PKD1L3: variants seen among roughly 807,000 people sequenced by gnomAD.
PKD1L3 encodes polycystin-1-like protein 3.
A neutral mutation model predicts 184.1 loss-of-function variants in PKD1L3; 239 were observed. That is an observed-to-expected ratio of 1.30 (90% CI 1.17 to 1.45). The LOEUF (loss-of-function observed/expected upper bound fraction) is 1.45, where lower values mean the gene tolerates loss of function less well. Among genes scored for constraint, PKD1L3 ranks in the 40% most tolerant of loss-of-function variants. PKD1L3 has a pLI of 0.00. For synonymous variants in PKD1L3, 996 were observed against 778.8 expected, an observed-to-expected ratio of 1.28 and a Z score of -4.64; for missense variants, 2,660 against 2,067.2, an observed-to-expected ratio of 1.29 and a Z score of -5.56.
chr16:71,956,705 T>G (rs2039063533), intron 16 of PKD1L3, among the ~76,000 whole-genome samples: 1 of 152,162 alleles, frequency 6.6e-6, no homozygotes, highest in Non-Finnish European at 1.5e-5. Context: ...GTGTAGAGTT[T>G]CAGTTTTGCA....
At chr16:71,999,324 T>C (rs1188490754) in intron 1 of PKD1L3, among the ~76,000 whole-genome samples, 1 of 151,724 alleles carries the variant, frequency 6.6e-6, no homozygotes, top group African/African-American at 2.4e-5. Context: ...AATAGGTAGA[T>C]ACTCTTCCTC....
chr16:71,933,385 T>C lies in PKD1L3; in HGVS notation c.4926+35A>G, dbSNP rs760485881. 46 of 1,464,570 alleles carry C rather than the reference T, an allele frequency of 3.1e-5. No individual in the cohort carries two copies. The South Asian group carries it at 4.1e-4, about 13-fold the overall frequency. 90.7% of individuals were successfully genotyped at this position (1,464,570 alleles called of 1,614,324 possible). On this transcript the variant is annotated intron_variant, in intron 28 of 29. Transcript: ENST00000620267. ...CCCCCAATTTTCCTTGTTCAATATA[T>C]TGAATTCTGTGAGGAAACAAATTAT...
intron 15 of PKD1L3, among the ~76,000 whole-genome samples, chr16:71,964,116 A>G (rs1307134116): frequency 7.4e-6 from 1 of 134,370 alleles, no homozygotes. Context: ...CCTTTTCCCA[A>G]CCAGTGTTTT....
intron 11 of PKD1L3, 143 bp from the exon 12 acceptor site, chr16:71,973,660 C>A: frequency 1.2e-6 from 1 of 817,432 alleles, no homozygotes; most frequent in Non-Finnish European, 1.9e-6. Flanking sequence ...AAGAAAATGA[C>A]CAGTGATACA....
At chr16:71,947,382 G>C in intron 22 of PKD1L3, 110 bp downstream of exon 22, 2 of 693,246 alleles carry the variant, frequency 2.9e-6, no homozygotes, top group Non-Finnish European at 5.0e-6. Flanking sequence ...GAAATAACCA[G>C]TTGGTTAGAG....
chr16:71,935,650 G>A (rs2038149673), intron 25 of PKD1L3, 132 bp from the exon 26 acceptor site: 1 of 817,014 alleles, frequency 1.2e-6, no homozygotes, highest in Non-Finnish European at 1.9e-6. Flanking sequence ...ATCTCACTTG[G>A]ACAAATGGGT....
Position 71,969,982 on chromosome 16 carries a change from G to A in PKD1L3, c.2077C>T (p.Arg693Cys), listed in dbSNP as rs553586556. The A allele has an allele frequency of 2.9e-5, 45 of 1,551,774 alleles. No individual in the cohort carries two copies. Among genetic ancestry groups the A allele is most frequent in the African/African-American group, 2.3e-4 (17 of 73,152 alleles). Residue 693 changes from arginine to cysteine, a missense_variant, in exon 13 of 30, where the codon CGC (arginine) becomes TGC (cysteine). Physicochemically the swap from Arg to Cys is radical, Grantham distance 180. Coordinates refer to ENST00000620267, the MANE Select transcript of PKD1L3 (RefSeq NM_181536.2). ...ACCCCAACAGGATTGTTGGTCACGC[G>A]AAGGAACAGTTTGATCGTGTCTTCA... ...NVEDTIKLFL[R>C]VTNNPVGVSL...
At chr16:71,971,792 C>T (rs189859641) in intron 12 of PKD1L3, among the ~76,000 whole-genome samples, 1 of 152,298 alleles carries the variant, frequency 6.6e-6, no homozygotes, top group East Asian at 1.9e-4. Flanking sequence ...GGTGCAGATG[C>T]CTTCCTAAGA....
Position 71,951,152 on chromosome 16 carries a change from G to A in PKD1L3, c.3190+412C>T, listed in dbSNP as rs189846125. 7.7e-4 allele frequency among the ~76,000 whole-genome samples: 117 copies of A among 152,030 alleles called. 2 individuals are homozygous for A. Among genetic ancestry groups the A allele is most frequent in the African/African-American group, 2.6e-3 (108 of 41,458 alleles). On this transcript the variant is annotated intron_variant, in intron 19 of 29. Coordinates refer to ENST00000620267, the MANE Select transcript of PKD1L3 (RefSeq NM_181536.2). Reference sequence around the variant, plus strand: ...CCTCCTGAGTTCAAGCAATTCTCCTGCCTCAGCCTCCCCCGTAGCTGGGAT... The same window carrying A: ...CCTCCTGAGTTCAAGCAATTCTCCTACCTCAGCCTCCCCCGTAGCTGGGAT...
chr16:71,998,577 A>G (rs1332322494), intron 1 of PKD1L3, among the ~76,000 whole-genome samples, 183 bp from the exon 2 acceptor site: 4 of 152,194 alleles, frequency 2.6e-5, no homozygotes, highest in East Asian at 3.9e-4. Flanking sequence ...CAGCCTCCCA[A>G]GTAGCTGGGA....
chr16:71,973,687 T>G (rs2039808202), intron 11 of PKD1L3, among the ~76,000 whole-genome samples, 170 bp from the exon 12 acceptor site: 1 of 152,180 alleles, frequency 6.6e-6, no homozygotes, highest in South Asian at 2.1e-4. Context: ...GGCTCTGGAT[T>G]ACTACTGTTC....
intron 19 of PKD1L3, 91 bp from the exon 20 acceptor site, chr16:71,950,401 G>T: frequency 8.5e-7 from 1 of 1,176,494 alleles, no homozygotes; most frequent in East Asian, 2.6e-5. Flanking sequence ...GATGGATGAT[G>T]AGGCTATATT....
intron 12 of PKD1L3, among the ~76,000 whole-genome samples, chr16:71,972,847 A>C (rs868591827): frequency 6.6e-6 from 1 of 152,164 alleles, no homozygotes; most frequent in African/African-American, 2.4e-5. Flanking sequence ...CGAGTGTGCA[A>C]ATATAATAGT....
At position 71,929,653 on chromosome 16, in the gene PKD1L3, AGT is replaced by A; in HGVS notation, c.5082_5083del (p.Leu1695AlafsTer19). The A allele has an allele frequency of 6.4e-7, 1 of 1,551,630 alleles. No homozygotes were observed. The highest frequency in any genetic ancestry group is 8.7e-7 in the Non-Finnish European group (1 of 1,146,796). ...TAACAAATTTGAGAGCTTCTGTAGC[AGT>A]GTATCTATTAGTGCAGCTTCTTTCT... On this transcript the variant is annotated frameshift_variant, in exon 30 of 30. Coordinates refer to ENST00000620267, the MANE Select transcript of PKD1L3 (RefSeq NM_181536.2). LOFTEE classifies it low-confidence loss of function (END_TRUNC).
At position 71,984,163 on chromosome 16, in the gene PKD1L3, A is replaced by G. The variant is rs1371790752; in HGVS notation, c.839T>C (p.Ile280Thr). 3.2e-6 allele frequency: 5 copies of G among 1,551,128 alleles called. No homozygotes were observed. Among genetic ancestry groups the G allele is most frequent in the African/African-American group, 2.7e-5 (2 of 73,028 alleles). ...GCTGAAGTTCCCTGCTATCTCATCT[A>G]TGACCTATTGGGAACAAAGAAGTTG... ...VSLQKASGQV[I>T]DEIAGNFSRA... Residue 280 changes from isoleucine (I) to threonine (T), a missense_variant, in exon 6 of 30, where the codon ATA becomes ACA. Physicochemically the swap from Ile to Thr is moderately conservative, Grantham distance 89. Transcript: ENST00000620267.
intron 9 of PKD1L3, among the ~76,000 whole-genome samples, chr16:71,978,904 C>T (rs1319991802): frequency 6.6e-6 from 1 of 152,104 alleles, no homozygotes; most frequent in African/African-American, 2.4e-5. Context: ...TAACATTCCC[C>T]ATTTATAACC....
chr16:71,953,414 T>G (rs1194393050), intron 17 of PKD1L3, among the ~76,000 whole-genome samples: 2 of 49,968 alleles, frequency 4.0e-5, no homozygotes, highest in Non-Finnish European at 9.1e-5. Flanking sequence ...TCTTCATGGC[T>G]GGGGAGGCCT....
intron 22 of PKD1L3, among the ~76,000 whole-genome samples, chr16:71,946,281 A>C (rs964677169): frequency 6.6e-6 from 1 of 152,118 alleles, no homozygotes; most frequent in Admixed American, 6.5e-5. Context: ...GTGACTGCCA[A>C]CATAAAGTGT....
chr16:71,996,213 A>G (rs1420809097), intron 2 of PKD1L3, among the ~76,000 whole-genome samples: 2 of 144,894 alleles, frequency 1.4e-5, no homozygotes, highest in South Asian at 2.2e-4. Flanking sequence ...TTTTTTTTCA[A>G]TTGCTATAAG....
Sources: gnomAD v4.1 joint callset for allele counts (sites outside exome capture counted in the v4.1 genomes callset) on GRCh38, gnomAD v4.1.1 for gene constraint, MANE v1.5 for transcripts, NCBI Gene and HGNC (gene_info 2026-07-23, HGNC 2026-07-21) for gene names.